The following PHLDB2 variants were observed in gnomAD, a reference collection of about 807,000 sequenced individuals.
PHLDB2 encodes the protein pleckstrin homology like domain family B member 2.
Under a neutral mutation model 123.6 loss-of-function variants are expected in PHLDB2, and 71 were observed. That is an observed-to-expected ratio of 0.57 (90% CI 0.47 to 0.70). The LOEUF (loss-of-function observed/expected upper bound fraction) is 0.70. Ranked by LOEUF, PHLDB2 falls within the 30% of genes least tolerant of loss-of-function variation. The pLI, the probability that PHLDB2 is intolerant of heterozygous loss-of-function variation, is 0.00. For missense variants in PHLDB2, 1,446 were observed against 1,519.5 expected (o/e 0.95, Z 0.80); for synonymous variants, 547 against 541.6 (o/e 1.01, Z -0.14).
At chr3:111,937,633 A>G (rs2069580889) in intron 6 of PHLDB2, among the ~76,000 whole-genome samples, 1 of 152,002 alleles carries the variant, frequency 6.6e-6, no homozygotes, top group African/African-American at 2.4e-5. Context: ...AAAATTAGCC[A>G]GGCATGGTGG....
At position 111,920,212 on chromosome 3, in the gene PHLDB2, A is replaced by G. The variant is rs1426964950; in HGVS notation, c.1864-70A>G. On this transcript the variant is annotated intron_variant, in intron 4 of 17. Transcript: ENST00000431670. ...GGAAATTTGTAGCTGTTGCAAATGT[A>G]TCTCTAGGGTGGTCAGTTGAGAATA... 2.0e-6 allele frequency: 3 copies of G among 1,512,328 alleles called. No individual in the cohort carries two copies. The South Asian group carries it at 4.0e-5, about 20-fold the overall frequency. The allele number at this position is 1,512,328 out of a possible 1,614,324, so 93.7% of individuals were successfully genotyped here. A position where few individuals can be genotyped will look rare whatever the true frequency, so the allele number is the denominator to read the frequency against.
intron 1 of PHLDB2, among the ~76,000 whole-genome samples, chr3:111,865,962 C>T (rs2065045395): frequency 7.1e-6 from 1 of 141,454 alleles, no homozygotes; most frequent in South Asian, 2.3e-4. Context: ...ATGATATTAT[C>T]ATAATTATTA....
At chr3:111,896,625 A>G (rs989388843) in intron 2 of PHLDB2, among the ~76,000 whole-genome samples, 2 of 152,236 alleles carry the variant, frequency 1.3e-5, no homozygotes, top group East Asian at 3.9e-4. Context: ...TGCTAGGATT[A>G]TAGGTGTGAG....
intron 1 of PHLDB2, among the ~76,000 whole-genome samples, chr3:111,736,701 T>C (rs1436171898): frequency 6.6e-6 from 1 of 152,210 alleles, no homozygotes; most frequent in Non-Finnish European, 1.5e-5. Context: ...ACTCAAATAT[T>C]GATTGCTTTG....
intron 2 of PHLDB2, among the ~76,000 whole-genome samples, chr3:111,900,002 T>C (rs1345463396): frequency 6.6e-6 from 1 of 152,246 alleles, no homozygotes; most frequent in Non-Finnish European, 1.5e-5. Flanking sequence ...TGTTTCACTT[T>C]GCACTTTTAT....
chr3:111,916,665 CTT>C (rs1317521602), intron 3 of PHLDB2: 1 of 152,116 alleles, frequency 6.6e-6, no homozygotes, highest in Non-Finnish European at 1.5e-5. Flanking sequence ...TTTAGTTGGC[CTT>C]TGTGAACCAC....
chr3:111,903,975 A>C (rs982904689), intron 2 of PHLDB2, among the ~76,000 whole-genome samples: 5 of 152,156 alleles, frequency 3.3e-5, no homozygotes, highest in African/African-American at 1.2e-4. Flanking sequence ...GCTGAAATAC[A>C]GATTCTGCTC....
intron 1 of PHLDB2, among the ~76,000 whole-genome samples, chr3:111,773,036 C>G (rs1053455797): frequency 2.0e-5 from 3 of 152,136 alleles, no homozygotes; most frequent in African/African-American, 7.2e-5. Flanking sequence ...AGTATAGAAG[C>G]AAACAACTTC....
At chr3:111,877,146 C>T (rs1313048197) in intron 1 of PHLDB2, among the ~76,000 whole-genome samples, 1 of 152,258 alleles carries the variant, frequency 6.6e-6, no homozygotes, top group Non-Finnish European at 1.5e-5. Context: ...AATCACCACA[C>T]TGACTTCCAC....
At chr3:111,776,466 G>T (rs139607506) in intron 1 of PHLDB2, among the ~76,000 whole-genome samples, 4 of 151,960 alleles carry the variant, frequency 2.6e-5, no homozygotes, top group African/African-American at 9.7e-5. Flanking sequence ...CTGAGTGCAC[G>T]TTCCTACATT....
chr3:111,907,088 TA>T (rs2067586559), intron 2 of PHLDB2, among the ~76,000 whole-genome samples: 1 of 152,158 alleles, frequency 6.6e-6, no homozygotes, highest in African/African-American at 2.4e-5. Flanking sequence ...CCTAAACTGA[TA>T]AAAACAATAC....
At chr3:111,898,487 A>AT (rs1208334710) in intron 2 of PHLDB2, among the ~76,000 whole-genome samples, 2 of 152,008 alleles carry the variant, frequency 1.3e-5, no homozygotes, top group African/African-American at 4.8e-5. Flanking sequence ...CCAGCCAGCA[A>AT]TTTTTTAAAA....
At chr3:111,962,054 G>A in intron 12 of PHLDB2, 54 bp from the exon 13 acceptor site, 1 of 1,518,864 alleles carries the variant, frequency 6.6e-7, no homozygotes, top group Non-Finnish European at 9.0e-7. Flanking sequence ...AGATGTTTAA[G>A]ATTCAAAGAC....
rs145256545 is a variant in PHLDB2 at position 111,761,018 on chromosome 3, C to T, written c.-49+28315C>T. On this transcript the variant is annotated intron_variant, in intron 1 of 17. Coordinates refer to the PHLDB2 transcript ENST00000393923. ...TGGCCAACATGGTGAAACCCCGTCT[C>T]TACTAAAAATACAAAAATTATCTGC... Among the ~76,000 whole-genome samples the T allele has an allele frequency of 1.8e-3, 277 of 151,986 alleles. 1 individual carries two copies. Among genetic ancestry groups the T allele is most frequent in the African/African-American group, 6.4e-3 (264 of 41,472 alleles).
intron 1 of PHLDB2, among the ~76,000 whole-genome samples, chr3:111,819,430 A>G (rs2062261459): frequency 1.3e-5 from 2 of 152,214 alleles, no homozygotes; most frequent in Non-Finnish European, 2.9e-5. Flanking sequence ...TTCAAGTCTA[A>G]TCATCTGAAA....
intron 1 of PHLDB2, among the ~76,000 whole-genome samples, chr3:111,761,855 C>G (rs2060001056): frequency 1.3e-5 from 2 of 151,990 alleles, no homozygotes; most frequent in Admixed American, 6.6e-5. Context: ...GAAAACCAGC[C>G]CAACATTTTT....
chr3:111,910,600 T>C (rs1370451003), intron 2 of PHLDB2, among the ~76,000 whole-genome samples: 1 of 152,218 alleles, frequency 6.6e-6, no homozygotes, highest in African/African-American at 2.4e-5. Flanking sequence ...AACAGTGCCC[T>C]CTTTGATTCT....
intron 1 of PHLDB2, among the ~76,000 whole-genome samples, chr3:111,753,354 G>C: frequency 6.6e-6 from 1 of 150,752 alleles, no homozygotes. Flanking sequence ...ACTGGTGTGA[G>C]ATGGTATCTC....
At chr3:111,773,158 G>A (rs868141254) in intron 1 of PHLDB2, among the ~76,000 whole-genome samples, 12 of 152,260 alleles carry the variant, frequency 7.9e-5, no homozygotes, top group Middle Eastern at 6.8e-3. Context: ...TGATAGCATC[G>A]CTCGAAGTGC....
Sources: gnomAD v4.1 joint callset for allele counts (sites outside exome capture counted in the v4.1 genomes callset) on GRCh38, gnomAD v4.1.1 for gene constraint, MANE v1.5 for transcripts, NCBI Gene and HGNC (gene_info 2026-07-23, HGNC 2026-07-21) for gene names.